NOTCH3: variants seen among roughly 807,000 people sequenced by gnomAD.
NOTCH3 encodes neurogenic locus notch homolog protein 3.
NOTCH3 carries 86 observed loss-of-function variants against 213.3 expected under a neutral mutation model. That is an observed-to-expected ratio of 0.40 (90% CI 0.34 to 0.48). The LOEUF (loss-of-function observed/expected upper bound fraction) is 0.48, where lower values mean the gene tolerates loss of function less well. Among genes scored for constraint, NOTCH3 ranks in the 20% least tolerant of loss-of-function variants. The probability of loss-of-function intolerance (pLI) is 0.57; values close to 1 mark genes in which losing one functional copy is unlikely to be tolerated. For synonymous variants in NOTCH3, 1,354 were observed against 1,355.9 expected (o/e 1.00, Z 0.03); for missense variants, 2,783 against 3,272.6 (o/e 0.85, Z 3.65).
Position 15,161,480 on chromosome 19 carries a change from G to A in NOTCH3, c.6148C>T (p.Leu2050Phe), listed in dbSNP as rs866094583. Residue 2050 changes from leucine to phenylalanine, a missense_variant, in exon 33 of 33, where the codon CTC becomes TTC. This residue lies in a region of NOTCH3 where 441 missense variants were observed against 432.1 expected (regional missense o/e 1.02). Transcript: ENST00000263388. ...GPLLCPPGAF[L>F]PGLKAAQSGS... is the part of the protein sequence containing the mutation. ...GACTGTGCCGCTTTGAGGCCAGGGA[G>A]GAAGGCCCCTGGAGGACAGAGCAGA... 2 of 1,579,978 alleles carry A rather than the reference G, an allele frequency of 1.3e-6. No homozygotes were observed. Among genetic ancestry groups the A allele is most frequent in the Non-Finnish European group, 1.7e-6 (2 of 1,162,822 alleles).
At chr19:15,192,717 C>T (rs1389344726) in intron 2 of NOTCH3, among the ~76,000 whole-genome samples, 198 bp from the exon 3 acceptor site, 1 of 152,170 alleles carries the variant, frequency 6.6e-6, no homozygotes, top group African/African-American at 2.4e-5. Context: ...GAGTTCAAGA[C>T]CAGCCTAGCC....
At chr19:15,167,062 CT>C (rs2046691989) in intron 29 of NOTCH3, among the ~76,000 whole-genome samples, 186 bp downstream of exon 29, 1 of 152,226 alleles carries the variant, frequency 6.6e-6, no homozygotes, top group East Asian at 1.9e-4. Context: ...TGATAAATCC[CT>C]TGTTTTACTT....
intron 12 of NOTCH3, 54 bp downstream of exon 12, chr19:15,186,824 G>A (rs1337081583): frequency 1.3e-5 from 19 of 1,413,056 alleles, no homozygotes; most frequent in Admixed American, 6.7e-5. Flanking sequence ...CCACAGAGAC[G>A]AGTGACTTCA....
intron 31 of NOTCH3, among the ~76,000 whole-genome samples, chr19:15,164,618 C>T (rs1443878275): frequency 1.3e-5 from 2 of 151,834 alleles, no homozygotes; most frequent in African/African-American, 4.8e-5. Context: ...CTTCATTTGC[C>T]TCAGTCACAT....
At position 15,178,823 on chromosome 19, in the gene NOTCH3, C is replaced by T. The variant is rs1385750464; in HGVS notation, c.3837G>A (p.Gln1279=). ...TCCAAAGGCCGCCACCCACACCTAC[C>T]TGGGCACAGTGACAGGTGAAGGTCA... ...GGLTFTCHCA[Q]PFWGPRCERV... The change falls in exon 23 of 33, where the codon CAG becomes CAA. Residue 1279 remains glutamine, a splice_region_variant and synonymous_variant. Transcript: ENST00000263388. The T allele has an allele frequency of 6.3e-7, 1 of 1,591,634 alleles. No homozygotes were observed. The highest frequency in any genetic ancestry group is 8.6e-7 in the Non-Finnish European group (1 of 1,168,608).
At chr19:15,167,899 TTTTTTTG>T (rs1178236903) in intron 28 of NOTCH3, among the ~76,000 whole-genome samples, 2 of 31,880 alleles carry the variant, frequency 6.3e-5, no homozygotes, top group African/African-American at 2.7e-4. Flanking sequence ...TTTTTTTTTT[TTTTTTTG>T]GTCTTTTTGA....
chr19:15,164,554 T>TAAAA lies in NOTCH3; in HGVS notation c.5815+810_5815+813dup, dbSNP rs1568347033. Among the ~76,000 whole-genome samples the TAAAA allele has an allele frequency of 4.1e-3, 493 of 119,418 alleles. 47 individuals carry two copies. The highest frequency in any genetic ancestry group is 5.9e-3 in the Non-Finnish European group (348 of 59,112). The allele number at this position is 119,418 out of a possible 152,430, so 78.3% of individuals were successfully genotyped here. A position where few individuals can be genotyped will look rare whatever the true frequency, so the allele number is the denominator to read the frequency against. ...GAGACTCTGTCTCAAAAAAAAAAAT[T>TAAAA]AAAAAAAGGGCAACATAAGGAGAAA... On this transcript the variant is annotated intron_variant, in intron 31 of 32. Coordinates refer to ENST00000263388, the MANE Select transcript of NOTCH3 (RefSeq NM_000435.3).
chr19:15,167,321 G>A lies in NOTCH3; in HGVS notation c.5290C>T (p.Pro1764Ser), dbSNP rs757739462. The change falls in exon 29 of 33, where the codon CCA becomes TCA. Residue 1764 changes from proline (P) to serine (S), a missense_variant. Physicochemically the swap from Pro to Ser is moderately conservative, Grantham distance 74. This residue lies in a region of NOTCH3 where 636 missense variants were observed against 801.8 expected (regional missense o/e 0.79). Coordinates refer to ENST00000263388, the MANE Select transcript of NOTCH3 (RefSeq NM_000435.3). ...HLVAADIRVAPAMALTPPQGD... is the reference protein window; with the variant it reads ...HLVAADIRVASAMALTPPQGD... ...TGTGGTGGTGTCAGTGCCATGGCTG[G>A]TGCCACGCGGATGTCAGCAGCAACC... The A allele has an allele frequency of 3.1e-6, 5 of 1,613,368 alleles. No individual in the cohort carries two copies. Among genetic ancestry groups the A allele is most frequent in the Middle Eastern group, 1.7e-4 (1 of 6,032 alleles).
In NOTCH3 at chr19:15,192,095, G is replaced by A. The variant is rs28933697; in HGVS notation, c.544C>T (p.Arg182Cys). ...GTCLNTPGSF[R>C]CQCPAGYTGP... ...GTGTAGCCAGCTGGACACTGGCAGC[G>A]GAAGGAGCCAGGTGTGTTGAGGCAG... Residue 182 changes from arginine to cysteine, a missense_variant, in exon 4 of 33, where the codon CGC becomes TGC. Arg to Cys is a radical substitution (Grantham distance 180). Transcript: ENST00000263388. 9 of 1,613,084 alleles carry A rather than the reference G, an allele frequency of 5.6e-6. No homozygotes were observed. Among genetic ancestry groups the A allele is most frequent in the Admixed American group, 1.7e-5 (1 of 60,016 alleles).
Position 15,181,665 on chromosome 19 carries a change from A to G in NOTCH3, c.2703T>C (p.Cys901=). The change falls in exon 17 of 33, where the codon TGT becomes TGC. Residue 901 remains cysteine, a synonymous_variant. Transcript: ENST00000263388. ...CLSNPCGPGT[C]TDHVASFTCT... The stretch of plus-strand genomic sequence containing the variant: ...AGGTGAAGGAGGCCACGTGGTCGGT[A>G]CAGGTGCCCGGGCCGCAGGGGTTGC... 6.4e-7 allele frequency: 1 copy of G among 1,553,814 alleles called. No homozygotes were observed. The highest frequency in any genetic ancestry group is 8.7e-7 in the Non-Finnish European group (1 of 1,148,430).
chr19:15,162,318 A>T, intron 32 of NOTCH3, 147 bp downstream of exon 32: 1 of 711,770 alleles, frequency 1.4e-6, no homozygotes, highest in Non-Finnish European at 2.4e-6. Flanking sequence ...CAAAAACTTT[A>T]GTCACCAAAG....
chr19:15,172,327 A>G (rs2046741144), intron 25 of NOTCH3, among the ~76,000 whole-genome samples: 1 of 152,028 alleles, frequency 6.6e-6, no homozygotes, highest in Admixed American at 6.6e-5. Flanking sequence ...CAACACTTTT[A>G]TATCTTTCTT....
chr19:15,174,615 A>G (rs1329105425), intron 24 of NOTCH3, among the ~76,000 whole-genome samples: 1 of 149,464 alleles, frequency 6.7e-6, no homozygotes, highest in Non-Finnish European at 1.5e-5. Context: ...TCTGTCGCCC[A>G]GGCCGGAATG....
chr19:15,168,539 A>G (rs2046704131), intron 28 of NOTCH3, among the ~76,000 whole-genome samples: 1 of 152,094 alleles, frequency 6.6e-6, no homozygotes. Flanking sequence ...GCCCCCTCTA[A>G]AAATCATACA....
Position 15,197,734 on chromosome 19 carries a change from G to GCC in NOTCH3, c.119-158_119-157dup, listed in dbSNP as rs5827279. On this transcript the variant is annotated intron_variant, in intron 1 of 32. Coordinates refer to ENST00000263388, the MANE Select transcript of NOTCH3 (RefSeq NM_000435.3). Reference sequence around the variant, plus strand: ...GAGTCCCCCCATCCACAGTTCCCACGCCCCCCCCCCCCCCGCCCCAGCCCC... The same window carrying GCC: ...GAGTCCCCCCATCCACAGTTCCCACGCCCCCCCCCCCCCCCCGCCCCAGCCCC... 2.3e-3 allele frequency among the ~76,000 whole-genome samples: 94 copies of GCC among 41,024 alleles called. 1 individual carries two copies. Among genetic ancestry groups the GCC allele is most frequent in the Non-Finnish European group, 3.8e-3 (65 of 17,184 alleles). The allele number at this position is 41,024 out of a possible 152,430, so 26.9% of individuals were successfully genotyped here.
Position 15,177,893 on chromosome 19 carries a change from G to A in NOTCH3, c.4035C>T (p.Leu1345=), listed in dbSNP as rs2046805373. 1.6e-6 allele frequency: 2 copies of A among 1,256,038 alleles called. No individual in the cohort carries two copies. Among genetic ancestry groups the A allele is most frequent in the South Asian group, 3.0e-5 (1 of 33,370 alleles). The allele number at this position is 1,256,038 out of a possible 1,614,324, so 77.8% of individuals were successfully genotyped here. Residue 1345 remains leucine (L), a synonymous_variant, in exon 24 of 33, where the codon CTC becomes CTT. Coordinates refer to ENST00000263388, the MANE Select transcript of NOTCH3 (RefSeq NM_000435.3). The part of the protein sequence containing the change: ...SNASCAAAPC[L]HGGSCRPAPL... Reference sequence around the variant, plus strand: ...GCGCGGGGCGGCAGGAGCCCCCGTGGAGACAGGGGGCGGCCGCGCAGCTGG... The same window carrying A: ...GCGCGGGGCGGCAGGAGCCCCCGTGAAGACAGGGGGCGGCCGCGCAGCTGG...
At position 15,170,102 on chromosome 19, in the gene NOTCH3, T is replaced by C. The variant is rs2145399270; in HGVS notation, c.5183A>G (p.Glu1728Gly). The C allele has an allele frequency of 1.9e-6, 3 of 1,594,784 alleles. No homozygotes were observed. The highest frequency in any genetic ancestry group is 2.6e-6 in the Non-Finnish European group (3 of 1,169,606). Residue 1728 changes from glutamate (E) to glycine (G), a missense_variant, in exon 28 of 33, where the codon GAG becomes GGG. Around this residue, in one of 6 missense-constraint regions of NOTCH3, gnomAD observed 636 missense variants for 801.8 expected, o/e 0.79. Transcript: ENST00000263388. ...ATDWMDTECPEAKRLKVEEPG... is the reference protein window; with the variant it reads ...ATDWMDTECPGAKRLKVEEPG... ...GGGCAGTACCTTTAGCCGCTTGGCC[T>C]CTGGGCACTCTGTGTCCATCCAGTC... is the stretch of plus-strand genomic sequence containing the variant.
Position 15,170,137 on chromosome 19 carries a change from C to A in NOTCH3, c.5148G>T (p.Glu1716Asp), listed in dbSNP as rs2046719035. The change falls in exon 28 of 33, where the codon GAG becomes GAT. Residue 1716 changes from glutamate (E) to aspartate (D), a missense_variant. Glu to Asp is a conservative substitution (Grantham distance 45). Around this residue, in one of 6 missense-constraint regions of NOTCH3, gnomAD observed 636 missense variants for 801.8 expected, o/e 0.79. Coordinates refer to ENST00000263388, the MANE Select transcript of NOTCH3 (RefSeq NM_000435.3). ...NMAKGESLMG[E>D]VATDWMDTEC... is the part of the protein sequence containing the mutation. Reference sequence around the variant, plus strand: ...CTGTGTCCATCCAGTCTGTGGCCACCTCCCCCATCAGGCTCTCACCCTTGG... The same window carrying A: ...CTGTGTCCATCCAGTCTGTGGCCACATCCCCCATCAGGCTCTCACCCTTGG... The A allele has an allele frequency of 1.9e-6, 3 of 1,605,204 alleles. No individual in the cohort carries two copies. The highest frequency in any genetic ancestry group is 2.6e-6 in the Non-Finnish European group (3 of 1,175,838).
rs1043995 is a variant in NOTCH3, at chr19:15,191,536, G to T, written c.924C>A (p.Gly308=). The change falls in exon 6 of 33, where the codon GGC becomes GGA. Residue 308 remains glycine (G), a synonymous_variant. Coordinates refer to ENST00000263388, the MANE Select transcript of NOTCH3 (RefSeq NM_000435.3). ...HSCVCVNGWT[G]ESCSQNIDDC... is the part of the protein sequence containing the mutation. ...CATCGATATTCTGACTGCAGCTCTC[G>T]CCTGTCCAGCCATTGACACACACGC... 2 of 1,613,188 alleles carry T rather than the reference G, an allele frequency of 1.2e-6. No individual in the cohort carries two copies. The highest frequency in any genetic ancestry group is 1.1e-5 in the South Asian group (1 of 91,060).
Sources: allele counts gnomAD v4.1 joint callset (sites outside exome capture counted in the v4.1 genomes callset), GRCh38; gene constraint gnomAD v4.1.1; regional missense constraint gnomAD v4.1.1; transcripts MANE v1.5; gene names NCBI Gene and HGNC (gene_info 2026-07-23, HGNC 2026-07-21).